Variants in PCDHGA3 observed in about 807,000 individuals in gnomAD.
The protein encoded by PCDHGA3 is protocadherin gamma subfamily A, 3.
In PCDHGA3, 40 loss-of-function variants were observed where a neutral mutation model predicts 58.5. The ratio of observed to expected loss-of-function variants is 0.68; its 90% CI spans 0.53 to 0.89. The LOEUF (loss-of-function observed/expected upper bound fraction) is 0.89, where lower values mean the gene tolerates loss of function less well. PCDHGA3 is among the 40% of genes least tolerant of loss of function. PCDHGA3 has a pLI of 0.00. For synonymous variants in PCDHGA3, 530 were observed against 525.7 expected (o/e 1.01, Z -0.11); for missense variants, 1,223 against 1,195.9 (o/e 1.02, Z -0.33).
At chr5:141,457,555 C>A (rs1425159883) in intron 1 of PCDHGA3, among the ~76,000 whole-genome samples, 2 of 152,168 alleles carry the variant, frequency 1.3e-5, no homozygotes. Context: ...GTATGATAAG[C>A]TTTGGAGCAA....
chr5:141,350,354 C>A (rs1292582179), intron 1 of PCDHGA3: 8 of 1,564,814 alleles, frequency 5.1e-6, no homozygotes, highest in Non-Finnish European at 6.9e-6. Context: ...CCAGCAGATC[C>A]GATACACGAT....
At chr5:141,482,458 C>T (rs986628162) in intron 1 of PCDHGA3, among the ~76,000 whole-genome samples, 1 of 147,624 alleles carries the variant, frequency 6.8e-6, no homozygotes, top group Non-Finnish European at 1.5e-5. Context: ...ATTAGCATCC[C>T]TATGTGCCAG....
chr5:141,372,672 T>A, intron 1 of PCDHGA3: 1 of 1,613,978 alleles, frequency 6.2e-7, no homozygotes. Context: ...TGCCTCACAT[T>A]CCTCAAACAC....
At chr5:141,457,289 G>C (rs907200077) in intron 1 of PCDHGA3, among the ~76,000 whole-genome samples, 2 of 152,146 alleles carry the variant, frequency 1.3e-5, no homozygotes, top group African/African-American at 4.8e-5. Flanking sequence ...GAAGTTCCTT[G>C]GTTTTATTTT....
At chr5:141,419,151 C>T (rs2096335413) in intron 1 of PCDHGA3, 2 of 1,613,800 alleles carry the variant, frequency 1.2e-6, no homozygotes, top group African/African-American at 2.7e-5. Context: ...GGCAAGCCTC[C>T]GTTATCCTCC....
At chr5:141,400,511 C>T (rs1456963604) in intron 1 of PCDHGA3, 2 of 1,613,824 alleles carry the variant, frequency 1.2e-6, no homozygotes, top group Admixed American at 3.3e-5. Flanking sequence ...GAGTCGACTT[C>T]CCATCCTGAG....
rs781229038 is a variant in PCDHGA3, at chr5:141,489,990, A to C, written c.2425-4817A>C. 1.2e-4 allele frequency: 194 copies of C among 1,614,138 alleles called. No individual in the cohort carries two copies. Among genetic ancestry groups the C allele is most frequent in the Non-Finnish European group, 1.6e-4 (188 of 1,180,038 alleles). Reference sequence around the variant, plus strand: ...TCCAATCCTCAGTTCTACGTGTGGGAATCCCAGAGAATGCACCCATTGGTA... The same window carrying C: ...TCCAATCCTCAGTTCTACGTGTGGGCATCCCAGAGAATGCACCCATTGGTA... On this transcript the variant is annotated intron_variant, in intron 1 of 3. Transcript: ENST00000253812. The surrounding 1 kb of genome is among the most constrained non-coding windows in gnomAD (Gnocchi z 4.5).
At position 141,409,159 on chromosome 5, in the gene PCDHGA3, GGAAGC is replaced by G. The variant is rs1361879939; in HGVS notation, c.2424+62707_2424+62711del. On this transcript the variant is annotated intron_variant, in intron 1 of 3. Transcript: ENST00000253812. ...ATGTAGAAAGGTACACCATGGAAGTGGAAGCGAAGGACGGAGGTGGTCTCTCTACC... is the reference window on the plus strand; with the variant it reads ...ATGTAGAAAGGTACACCATGGAAGTGGAAGGACGGAGGTGGTCTCTCTACC... The G allele has an allele frequency of 3.1e-6, 5 of 1,614,014 alleles. 1 individual carries two copies. In the South Asian group the frequency reaches 5.5e-5, roughly 18 times the overall value.
In PCDHGA3 at chr5:141,410,323, G is replaced by T. The variant is rs1415994094; in HGVS notation, c.2424+63866G>T. 3.7e-6 allele frequency: 6 copies of T among 1,613,884 alleles called. No homozygotes were observed. The South Asian group carries it at 5.5e-5, about 15-fold the overall frequency. ...TCTCAGTGCTCTTCCTCCTCGCCGT[G>T]ATTCTGGCCATTGCCTTGCGCCTGC... is the stretch of plus-strand genomic sequence containing the variant. On this transcript the variant is annotated intron_variant, in intron 1 of 3. Transcript: ENST00000253812.
In PCDHGA3 at chr5:141,345,107, A is replaced by G; in HGVS notation, c.1074A>G (p.Glu358=). The change falls in exon 1 of 4, where the codon GAA becomes GAG. Residue 358 remains glutamate, a synonymous_variant. Coordinates refer to ENST00000253812, the MANE Select transcript of PCDHGA3 (RefSeq NM_018916.4). ...TITSLTSSVP[E]EGTVGREIAL... ...CGTCTCTCACAAGCTCAGTCCCAGAAGAGGGCACCGTTGGAAGAGAAATTG... is the reference window on the plus strand; with the variant it reads ...CGTCTCTCACAAGCTCAGTCCCAGAGGAGGGCACCGTTGGAAGAGAAATTG... 6.2e-7 allele frequency: 1 copy of G among 1,614,056 alleles called. No individual in the cohort carries two copies. The highest frequency in any genetic ancestry group is 1.6e-4 in the Middle Eastern group (1 of 6,062).
chr5:141,390,295 A>G (rs1371103397), intron 1 of PCDHGA3: 2 of 1,613,930 alleles, frequency 1.2e-6, no homozygotes, highest in South Asian at 2.2e-5. Flanking sequence ...AGTTTCCTTT[A>G]AGTATAATTT....
intron 1 of PCDHGA3, chr5:141,413,362 C>G: frequency 1.2e-6 from 2 of 1,613,988 alleles, no homozygotes; most frequent in South Asian, 1.1e-5. Context: ...GCCCCGGGAG[C>G]TGGCGGAGCG....
chr5:141,434,877 C>A (rs1266355299), intron 1 of PCDHGA3, among the ~76,000 whole-genome samples: 1 of 151,612 alleles, frequency 6.6e-6, no homozygotes, highest in Non-Finnish European at 1.5e-5. Flanking sequence ...TGACAGATAC[C>A]AACAACAATC....
intron 1 of PCDHGA3, among the ~76,000 whole-genome samples, chr5:141,348,309 T>C (rs1758095345): frequency 6.6e-6 from 1 of 152,074 alleles, no homozygotes; most frequent in Non-Finnish European, 1.5e-5. Flanking sequence ...AACATGGAAA[T>C]ACATCACAGA....
chr5:141,347,357 G>A (rs1757957442), intron 1 of PCDHGA3, among the ~76,000 whole-genome samples: 1 of 151,928 alleles, frequency 6.6e-6, no homozygotes. Flanking sequence ...CAATTGCTAT[G>A]TTTCCCAGGC....
chr5:141,435,026 C>A (rs977017371), intron 1 of PCDHGA3, among the ~76,000 whole-genome samples: 4 of 151,978 alleles, frequency 2.6e-5, no homozygotes, highest in Non-Finnish European at 5.9e-5. Context: ...GCTCTTTTCC[C>A]ACTTTTATTT....
At chr5:141,352,421 G>A (rs1759008102) in intron 1 of PCDHGA3, 2 of 1,613,902 alleles carry the variant, frequency 1.2e-6, no homozygotes, top group Admixed American at 1.7e-5. Flanking sequence ...CGACACTGAG[G>A]GCTGCTTTCA....
At chr5:141,372,320 G>A (rs924868595) in intron 1 of PCDHGA3, 2 of 1,613,612 alleles carry the variant, frequency 1.2e-6, no homozygotes, top group Non-Finnish European at 1.7e-6. Context: ...GCCAGCGCCT[G>A]CTGGTCACTG....
chr5:141,416,306 G>A (rs1186519939), intron 1 of PCDHGA3: 1 of 152,186 alleles, frequency 6.6e-6, no homozygotes, highest in Non-Finnish European at 1.5e-5. Flanking sequence ...CTATGTGGAA[G>A]ATATAGCATT....
Sources: allele counts gnomAD v4.1 joint callset (sites outside exome capture counted in the v4.1 genomes callset), GRCh38; gene constraint gnomAD v4.1.1; non-coding constraint Gnocchi (gnomAD v3.1); transcripts MANE v1.5; gene names NCBI Gene and HGNC (gene_info 2026-07-23, HGNC 2026-07-21).